Variants in MAP3K4 observed in about 807,000 individuals in gnomAD.
MAP3K4 encodes mitogen-activated protein kinase kinase kinase 4, also known as MAP three kinase 1.
In MAP3K4, 67 loss-of-function variants were observed where a neutral mutation model predicts 185.6. The ratio of observed to expected loss-of-function variants is 0.36; its 90% confidence interval spans 0.30 to 0.44. The LOEUF is 0.44. Among genes scored for constraint, MAP3K4 ranks in the 20% least tolerant of loss-of-function variants. MAP3K4 has a pLI of 1.00. For synonymous variants in MAP3K4, 702 were observed against 710.4 expected (o/e 0.99, Z 0.19); for missense variants, 1,551 against 1,995.1 (o/e 0.78, Z 4.24).
At position 161,069,542 on chromosome 6, in the gene MAP3K4, G is replaced by T. The variant is rs900764964; in HGVS notation, c.1708-1066G>T. ...AGGTCATGGAGGGTCTTCCATAGCAGCTCAAGTTGTTTGGGCCATATTTGG... is the reference window on the plus strand; with the variant it reads ...AGGTCATGGAGGGTCTTCCATAGCATCTCAAGTTGTTTGGGCCATATTTGG... On this transcript the variant is annotated intron_variant, in intron 3 of 26. Coordinates refer to ENST00000392142, the MANE Select transcript of MAP3K4 (RefSeq NM_005922.4). 4.6e-5 allele frequency among the ~76,000 whole-genome samples: 7 copies of T among 152,114 alleles called. No individual in the cohort carries two copies. The South Asian group carries it at 1.0e-3, about 23-fold the overall frequency.
rs1785230390 is a variant in MAP3K4 at position 161,077,418 on chromosome 6, TC to T, written c.2098-3462del. Reference sequence around the variant, plus strand: ...AATACTTTTTAGAATTTTTTTAGCCTCTTTGCTTTTTAACTTATAAAGAGAG... The same window carrying T: ...AATACTTTTTAGAATTTTTTTAGCCTTTTGCTTTTTAACTTATAAAGAGAG... On this transcript the variant is annotated intron_variant, in intron 5 of 26. Transcript: ENST00000392142. This position sits in a 1 kb window ranked among gnomAD's most constrained non-coding sequence, Gnocchi z 4.3. Among the ~76,000 whole-genome samples, 2 of 152,238 alleles carry T rather than the reference TC, an allele frequency of 1.3e-5. No individual in the cohort carries two copies. The highest frequency in any genetic ancestry group is 1.3e-4 in the Admixed American group (2 of 15,286).
chr6:161,101,825 A>G lies in MAP3K4; in HGVS notation c.3675-67A>G. ...AGTTGAGAATTATTGCTCTAGAAAA[A>G]TCTCGCAGATCTTTCATTTTAAGTT... On this transcript the variant is annotated intron_variant, in intron 17 of 26. Coordinates refer to ENST00000392142, the MANE Select transcript of MAP3K4 (RefSeq NM_005922.4). This position sits in a 1 kb window ranked among gnomAD's most constrained non-coding sequence, Gnocchi z 5.1. 1 of 1,366,718 alleles carries G rather than the reference A, an allele frequency of 7.3e-7. No individual in the cohort carries two copies. Among genetic ancestry groups the G allele is most frequent in the Non-Finnish European group, 1.0e-6 (1 of 967,430 alleles). The allele number at this position is 1,366,718 out of a possible 1,614,324, so 84.7% of individuals were successfully genotyped here.
intron 2 of MAP3K4, among the ~76,000 whole-genome samples, chr6:161,039,628 C>G (rs1489838241): frequency 2.6e-5 from 4 of 152,056 alleles, no homozygotes; most frequent in Non-Finnish European, 5.9e-5. Context: ...CAAATCATTA[C>G]CAGTGACATG....
At position 161,086,548 on chromosome 6, in the gene MAP3K4, A is replaced by G; in HGVS notation, c.2473-36A>G. The G allele has an allele frequency of 1.2e-6, 2 of 1,603,530 alleles. No homozygotes were observed. The highest frequency in any genetic ancestry group is 8.5e-7 in the Non-Finnish European group (1 of 1,173,344). On this transcript the variant is annotated intron_variant, in intron 8 of 26. Coordinates refer to ENST00000392142, the MANE Select transcript of MAP3K4 (RefSeq NM_005922.4). This position sits in a 1 kb window ranked among gnomAD's most constrained non-coding sequence, Gnocchi z 4.8. ...TCTTTTATCTTATTTTTTTAATGCT[A>G]ACCGTAAAGAAGTTTCTTTGTAACT...
Position 161,108,224 on chromosome 6 carries a change from C to T in MAP3K4, c.4119+255C>T, listed in dbSNP as rs1012494334. Among the ~76,000 whole-genome samples the T allele has an allele frequency of 3.3e-5, 5 of 152,158 alleles. No homozygotes were observed. Among genetic ancestry groups the T allele is most frequent in the African/African-American group, 7.2e-5 (3 of 41,434 alleles). ...GTGTGAGAAGGGCCTATGAGGGTGG[C>T]AGAGCTGAGTCTGATGAAGGCTTAG... On this transcript the variant is annotated intron_variant, in intron 21 of 26. Transcript: ENST00000392142. This position sits in a 1 kb window ranked among gnomAD's most constrained non-coding sequence, Gnocchi z 5.7.
intron 5 of MAP3K4, among the ~76,000 whole-genome samples, chr6:161,079,789 C>T (rs1297657650): frequency 6.6e-6 from 1 of 152,142 alleles, no homozygotes; most frequent in Non-Finnish European, 1.5e-5. Context: ...CAGAGTCACA[C>T]CACACACCTG....
intron 1 of MAP3K4, among the ~76,000 whole-genome samples, chr6:161,003,593 C>T (rs1344739729): frequency 6.6e-6 from 1 of 152,152 alleles, no homozygotes; most frequent in Non-Finnish European, 1.5e-5. Context: ...CAAGACAGCT[C>T]TTCTTTGTTG....
At position 161,042,209 on chromosome 6, in the gene MAP3K4, A is replaced by G. The variant is rs113094260; in HGVS notation, c.344-6407A>G. Among the ~76,000 whole-genome samples the G allele has an allele frequency of 4.8e-3, 726 of 152,296 alleles. 7 individuals carry two copies. The highest frequency in any genetic ancestry group is 0.017 in the African/African-American group (692 of 41,564). ...GCAGGATGTTAGTGTATGTTTGAAC[A>G]GTGGAGAGAAGAGGCTGTGTACTAC... On this transcript the variant is annotated intron_variant, in intron 2 of 26. Coordinates refer to ENST00000392142, the MANE Select transcript of MAP3K4 (RefSeq NM_005922.4).
rs551602988 is a variant in MAP3K4, at chr6:161,051,574, A to C, written c.1707+1595A>C. Reference sequence around the variant, plus strand: ...AAGACAGGATTGATGTTTAATTTGTATTGTGACCACTGGTTTTGAAGTAAC... The same window carrying C: ...AAGACAGGATTGATGTTTAATTTGTCTTGTGACCACTGGTTTTGAAGTAAC... On this transcript the variant is annotated intron_variant, in intron 3 of 26. Coordinates refer to ENST00000392142, the MANE Select transcript of MAP3K4 (RefSeq NM_005922.4). This position sits in a 1 kb window ranked among gnomAD's most constrained non-coding sequence, Gnocchi z 4.2. 9.8e-5 allele frequency among the ~76,000 whole-genome samples: 15 copies of C among 152,298 alleles called. No individual in the cohort carries two copies. The highest frequency in any genetic ancestry group is 3.6e-4 in the African/African-American group (15 of 41,556).
In MAP3K4 at chr6:161,008,796, T is replaced by C. The variant is rs998881221; in HGVS notation, c.152+16713T>C. Among the ~76,000 whole-genome samples the C allele has an allele frequency of 2.6e-5, 4 of 152,174 alleles. No homozygotes were observed. Among genetic ancestry groups the C allele is most frequent in the Admixed American group, 6.5e-5 (1 of 15,276 alleles). ...TCCTGACATTTACTGATATTTTACATCTACTACTTTCACTCAGCATGGTGC... is the reference window on the plus strand; with the variant it reads ...TCCTGACATTTACTGATATTTTACACCTACTACTTTCACTCAGCATGGTGC... On this transcript the variant is annotated intron_variant, in intron 1 of 26. Transcript: ENST00000392142. The surrounding 1 kb of genome is among the most constrained non-coding windows in gnomAD (Gnocchi z 4.1).
chr6:161,049,206 A>G lies in MAP3K4; in HGVS notation c.934A>G (p.Arg312Gly). The change falls in exon 3 of 27, where the codon AGA (arginine) becomes GGA (glycine). Residue 312 changes from arginine to glycine, a missense_variant. Arg to Gly is a moderately radical substitution (Grantham distance 125). This residue lies in a region of MAP3K4 where 93 missense variants were observed against 96.7 expected (regional missense o/e 0.96). Coordinates refer to ENST00000392142, the MANE Select transcript of MAP3K4 (RefSeq NM_005922.4). The surrounding 1 kb of genome is among the most constrained non-coding windows in gnomAD (Gnocchi z 8.4). ...KVDYGSFAFV[R>G]DRAGFNGTSV... is the part of the protein sequence containing the mutation. ...CGACTATGGGAGCTTCGCCTTTGTT[A>G]GAGATAGAGCTGGTTTTAATGGTAC... is the stretch of plus-strand genomic sequence containing the variant. 1.2e-6 allele frequency: 2 copies of G among 1,614,054 alleles called. No individual in the cohort carries two copies. The highest frequency in any genetic ancestry group is 1.7e-6 in the Non-Finnish European group (2 of 1,179,920).
At chr6:161,105,024 T>A (rs1387413575) in intron 19 of MAP3K4, among the ~76,000 whole-genome samples, 1 of 152,208 alleles carries the variant, frequency 6.6e-6, no homozygotes, top group Non-Finnish European at 1.5e-5. Context: ...CTAATTAGGA[T>A]ATGGTATGAA....
chr6:161,039,905 T>C (rs1562026), intron 2 of MAP3K4, among the ~76,000 whole-genome samples: 128,512 of 152,164 alleles, frequency 0.84, 54,441 homozygotes, highest in East Asian at 0.99. Flanking sequence ...TTCCCTATAG[T>C]GTGTTTCCAT....
At position 161,049,921 on chromosome 6, in the gene MAP3K4, T is replaced by C; in HGVS notation, c.1649T>C (p.Met550Thr). 1 of 1,614,076 alleles carries C rather than the reference T, an allele frequency of 6.2e-7. No individual in the cohort carries two copies. Among genetic ancestry groups the C allele is most frequent in the Non-Finnish European group, 8.5e-7 (1 of 1,179,970 alleles). The change falls in exon 3 of 27, where the codon ATG becomes ACG. Residue 550 changes from methionine to threonine, a missense_variant. By Grantham distance (81) the Met-to-Thr change is moderately conservative (BLOSUM62 -1). This residue lies in a region of MAP3K4 where 86 missense variants were observed against 81.6 expected (regional missense o/e 1.05). Transcript: ENST00000392142. This position sits in a 1 kb window ranked among gnomAD's most constrained non-coding sequence, Gnocchi z 8.4. ...RKLILRLHKL[M>T]DGSLQRARIA... is the part of the protein sequence containing the mutation. ...TTAATTTTAAGACTTCACAAGCTAA[T>C]GGATGGTTCCTTGCAAAGGGCACGT...
At chr6:161,009,397 A>G (rs1399153826) in intron 1 of MAP3K4, among the ~76,000 whole-genome samples, 1 of 152,210 alleles carries the variant, frequency 6.6e-6, no homozygotes, top group Non-Finnish European at 1.5e-5. Context: ...CTCTATACCC[A>G]TTAAATAACA....
chr6:161,048,746 A>G lies in MAP3K4; in HGVS notation c.474A>G (p.Lys158=), dbSNP rs779619439. 1 of 1,614,112 alleles carries G rather than the reference A, an allele frequency of 6.2e-7. No homozygotes were observed. Among genetic ancestry groups the G allele is most frequent in the Admixed American group, 1.7e-5 (1 of 60,022 alleles). Residue 158 remains lysine (K), a synonymous_variant, in exon 3 of 27, where the codon AAA becomes AAG. Transcript: ENST00000392142. The surrounding 1 kb of genome is among the most constrained non-coding windows in gnomAD (Gnocchi z 4.7). ...AALRTTERDR[K]KNVQCSFMLD... ...TTAGAACAACAGAGCGTGATCGTAA[A>G]AAAAATGTACAGTGCTCATTCATGT...
chr6:161,004,829 A>C (rs1039313337), intron 1 of MAP3K4, among the ~76,000 whole-genome samples: 2 of 152,242 alleles, frequency 1.3e-5, no homozygotes, highest in Non-Finnish European at 2.9e-5. Context: ...ATAGGTTTTC[A>C]TAGTAAAACA....
At chr6:161,105,920 C>T (rs1481569089) in intron 19 of MAP3K4, among the ~76,000 whole-genome samples, 1 of 151,036 alleles carries the variant, frequency 6.6e-6, no homozygotes, top group African/African-American at 2.4e-5. Flanking sequence ...ACTGCAACCT[C>T]TACCTCCCGG....
chr6:161,057,893 G>A lies in MAP3K4; in HGVS notation c.1707+7914G>A, dbSNP rs557748696. 2.6e-5 allele frequency among the ~76,000 whole-genome samples: 4 copies of A among 152,320 alleles called. No homozygotes were observed. The South Asian group carries it at 8.3e-4, about 32-fold the overall frequency. On this transcript the variant is annotated intron_variant, in intron 3 of 26. Transcript: ENST00000392142. The stretch of plus-strand genomic sequence containing the variant: ...CATACAAAGGAAAGTAGGAAGTTGT[G>A]TACATTATTTTGGACTATAGTGAGC...
Sources: gnomAD v4.1 joint callset for allele counts (sites outside exome capture counted in the v4.1 genomes callset) on GRCh38, gnomAD v4.1.1 for gene constraint, gnomAD v4.1.1 regional missense constraint, Gnocchi (gnomAD v3.1) non-coding constraint, MANE v1.5 for transcripts, NCBI Gene and HGNC (gene_info 2026-07-23, HGNC 2026-07-21) for gene names.